DNAAF4: variants seen among roughly 807,000 people sequenced by gnomAD.
DNAAF4 encodes dynein axonemal assembly factor 4.
In DNAAF4, 43 loss-of-function variants were observed where a neutral mutation model predicts 51.8. That is an observed-to-expected ratio of 0.83 (90% CI 0.65 to 1.07). DNAAF4 has a LOEUF of 1.07. DNAAF4 is among the 50% of genes least tolerant of loss of function. The pLI, the probability that DNAAF4 is intolerant of heterozygous loss-of-function variation, is 0.00. For synonymous variants in DNAAF4, 194 were observed against 165.6 expected, an observed-to-expected ratio of 1.17 and a Z score of -1.32; for missense variants, 581 against 493.0, an observed-to-expected ratio of 1.18 and a Z score of -1.69.
intron 6 of DNAAF4, among the ~76,000 whole-genome samples, chr15:55,449,589 G>A (rs1441726466): frequency 1.3e-5 from 2 of 150,968 alleles, no homozygotes; most frequent in Non-Finnish European, 2.9e-5. Flanking sequence ...GTTTGAACCT[G>A]GGAGGAGGAG....
intron 1 of DNAAF4, among the ~76,000 whole-genome samples, chr15:55,501,868 C>A (rs1159674587): frequency 6.6e-6 from 1 of 151,664 alleles, no homozygotes; most frequent in Non-Finnish European, 1.5e-5. Flanking sequence ...CATGGTGAAA[C>A]CCCATCTCTA....
At position 55,432,600 on chromosome 15, in the gene DNAAF4, T is replaced by C; in HGVS notation, c.1050A>G (p.Ala350=). The change falls in exon 9 of 10, where the codon GCA becomes GCG. Residue 350 remains alanine, a splice_region_variant and synonymous_variant. Coordinates refer to ENST00000321149, the MANE Select transcript of DNAAF4 (RefSeq NM_130810.4). The stretch of plus-strand genomic sequence containing the variant: ...TAACAGGTGGCATCAATAATTCCAG[T>C]GCCTTACAAAATATATATAATTATT... The part of the protein sequence containing the change: ...LHKAIEDSSK[A]LELLMPPVTD... 1.9e-6 allele frequency: 3 copies of C among 1,606,990 alleles called. No homozygotes were observed. The highest frequency in any genetic ancestry group is 2.6e-6 in the Non-Finnish European group (3 of 1,175,750).
intron 7 of DNAAF4, among the ~76,000 whole-genome samples, chr15:55,419,801 G>A (rs1248643201): frequency 1.3e-5 from 2 of 151,984 alleles, no homozygotes; most frequent in South Asian, 2.1e-4. Context: ...GTTTAAGACC[G>A]ACCGGCCTGG....
intron 8 of DNAAF4, among the ~76,000 whole-genome samples, chr15:55,434,140 C>T (rs1213313051): frequency 1.4e-5 from 2 of 143,110 alleles, no homozygotes; most frequent in Non-Finnish European, 3.0e-5. Context: ...ATTCATACCC[C>T]TCCAAGGTTA....
At chr15:55,436,255 T>G (rs2057608569) in intron 7 of DNAAF4, among the ~76,000 whole-genome samples, 1 of 152,238 alleles carries the variant, frequency 6.6e-6, no homozygotes, top group African/African-American at 2.4e-5. Flanking sequence ...AAGTGGCATC[T>G]CATAGTGGTT....
At position 55,435,043 on chromosome 15, in the gene DNAAF4, C is replaced by G. The variant is rs138026922; in HGVS notation, c.909G>C (p.Thr303=). ...CATTGATAGCTGCCAAATAGTTTTCCGTTGCAAACAATTTGCTAATGAGAC... is the reference window on the plus strand; with the variant it reads ...CATTGATAGCTGCCAAATAGTTTTCGGTTGCAAACAATTTGCTAATGAGAC... ...LKDKGNKLFA[T]ENYLAAINAY... is the part of the protein sequence containing the mutation. The change falls in exon 8 of 10, where the codon ACG becomes ACC. Residue 303 remains threonine (T), a synonymous_variant. Transcript: ENST00000321149. 1.9e-6 allele frequency: 3 copies of G among 1,586,786 alleles called. No homozygotes were observed. In the African/African-American group the frequency reaches 4.1e-5, roughly 22 times the overall value.
chr15:55,456,341 C>CAT (rs2058021026), intron 5 of DNAAF4, among the ~76,000 whole-genome samples: 1 of 152,158 alleles, frequency 6.6e-6, no homozygotes, highest in South Asian at 2.1e-4. Context: ...CTCAGCCTCT[C>CAT]AAAGTTCTGG....
intron 5 of DNAAF4, among the ~76,000 whole-genome samples, chr15:55,462,398 G>A (rs920236217): frequency 2.0e-4 from 31 of 151,916 alleles, no homozygotes; most frequent in Non-Finnish European, 8.8e-5. Flanking sequence ...CACCACGTTG[G>A]GCAGGCTGGT....
At position 55,430,463 on chromosome 15, in the gene DNAAF4, T is replaced by G; in HGVS notation, c.*207A>C. The G allele has an allele frequency of 1.9e-6, 2 of 1,071,384 alleles. No homozygotes were observed. The highest frequency in any genetic ancestry group is 2.3e-6 in the Non-Finnish European group (2 of 862,806). 66.4% of individuals were successfully genotyped at this position (1,071,384 alleles called of 1,614,324 possible). A position where few individuals can be genotyped will look rare whatever the true frequency, so the allele number is the denominator to read the frequency against. On this transcript the variant is annotated 3_prime_UTR_variant, in exon 10 of 10. Transcript: ENST00000321149. ...TGTATTAATATGAAGAAATAAGGAA[T>G]TAAAATAGATTCTTATTTAGATTTA...
chr15:55,487,633 T>G (rs889089322), intron 4 of DNAAF4, among the ~76,000 whole-genome samples: 9 of 151,904 alleles, frequency 5.9e-5, no homozygotes, highest in African/African-American at 2.2e-4. Context: ...ATTCCTGAAC[T>G]CAGCAAGACC....
chr15:55,435,796 T>C (rs561830626), intron 7 of DNAAF4, among the ~76,000 whole-genome samples: 15 of 152,314 alleles, frequency 9.8e-5, no homozygotes, highest in Admixed American at 9.2e-4. Flanking sequence ...TTTTTGTTTG[T>C]TTGTTTTTTG....
chr15:55,420,959 C>T (rs1343008520), intron 7 of DNAAF4, among the ~76,000 whole-genome samples: 3 of 151,992 alleles, frequency 2.0e-5, no homozygotes, highest in African/African-American at 4.8e-5. Flanking sequence ...GAGGCCGAGA[C>T]GGGCAGATCA....
chr15:55,427,904 G>T (rs112860474), downstream of DNAAF4, among the ~76,000 whole-genome samples: 7,646 of 151,916 alleles, frequency 0.05, 666 homozygotes, highest in African/African-American at 0.18. Context: ...CAAAGTGCTG[G>T]GATTGCAGGC....
chr15:55,489,869 T>G (rs1446752937), intron 4 of DNAAF4, among the ~76,000 whole-genome samples: 2 of 150,374 alleles, frequency 1.3e-5, no homozygotes, highest in Non-Finnish European at 3.0e-5. Context: ...GAATTCGAGA[T>G]AAGAAGTTTT....
chr15:55,498,351 T>C lies in DNAAF4; in HGVS notation c.-22A>G. The C allele has an allele frequency of 3.1e-6, 5 of 1,593,624 alleles. No individual in the cohort carries two copies. Among genetic ancestry groups the C allele is most frequent in the Non-Finnish European group, 4.3e-6 (5 of 1,166,760 alleles). On this transcript the variant is annotated 5_prime_UTR_variant, in exon 2 of 10. Transcript: ENST00000321149. ...GCATTCCGGTAGCAACGGGAGCGGATAGCGCGGCTGGTTGCTTCTTGCGCC... is the reference window on the plus strand; with the variant it reads ...GCATTCCGGTAGCAACGGGAGCGGACAGCGCGGCTGGTTGCTTCTTGCGCC...
downstream of DNAAF4, among the ~76,000 whole-genome samples, chr15:55,429,984 C>T (rs1469548059): frequency 6.6e-6 from 1 of 152,140 alleles, no homozygotes; most frequent in Non-Finnish European, 1.5e-5. Flanking sequence ...TAATATCTTA[C>T]ACTTTGCTGT....
chr15:55,445,360 A>G (rs1711711817), intron 6 of DNAAF4, among the ~76,000 whole-genome samples: 1 of 152,152 alleles, frequency 6.6e-6, no homozygotes, highest in African/African-American at 2.4e-5. Context: ...GGTTGGGGGT[A>G]AGGTTATAGA....
At position 55,504,691 on chromosome 15, in the gene DNAAF4, A is replaced by C. The variant is rs564188500; in HGVS notation, c.-256+3431T>G. On this transcript the variant is annotated intron_variant, in intron 1 of 9. Coordinates refer to ENST00000321149, the MANE Select transcript of DNAAF4 (RefSeq NM_130810.4). ...TGGGGAAATGATTCCCTATTTAATAAATGTGCTGGGAAAACTGTCTAGCCA... is the reference window on the plus strand; with the variant it reads ...TGGGGAAATGATTCCCTATTTAATACATGTGCTGGGAAAACTGTCTAGCCA... Among the ~76,000 whole-genome samples, 10 of 152,350 alleles carry C rather than the reference A, an allele frequency of 6.6e-5. No individual in the cohort carries two copies. The East Asian group carries it at 1.5e-3, about 23-fold the overall frequency.
chr15:55,492,817 C>T, intron 3 of DNAAF4, among the ~76,000 whole-genome samples: 1 of 152,156 alleles, frequency 6.6e-6, no homozygotes. Context: ...GGATTACAGG[C>T]GTGAGCCACT....
Sources: allele counts gnomAD v4.1 joint callset (sites outside exome capture counted in the v4.1 genomes callset), GRCh38; gene constraint gnomAD v4.1.1; transcripts MANE v1.5; gene names NCBI Gene and HGNC (gene_info 2026-07-23, HGNC 2026-07-21).